MGAT5B: variants seen among roughly 807,000 people sequenced by gnomAD.
MGAT5B encodes N-acetylglucosaminyl-transferase Vb.
A neutral mutation model predicts 95.1 loss-of-function variants in MGAT5B; 54 were observed. The ratio of observed to expected loss-of-function variants is 0.57; its 90% CI spans 0.46 to 0.71. The LOEUF is 0.71. Among genes scored for constraint, MGAT5B ranks in the 30% least tolerant of loss-of-function variants. MGAT5B has a pLI of 0.00. For synonymous variants in MGAT5B, 464 were observed against 451.0 expected, an observed-to-expected ratio of 1.03 and a Z score of -0.36; for missense variants, 935 against 1,088.6, an observed-to-expected ratio of 0.86 and a Z score of 1.99.
At chr17:76,943,230 T>C (rs928950391) in intron 15 of MGAT5B, among the ~76,000 whole-genome samples, 1 of 152,170 alleles carries the variant, frequency 6.6e-6, no homozygotes, top group African/African-American at 2.4e-5. Flanking sequence ...CTGTTTAATT[T>C]TGTTAATTAG....
chr17:76,914,336 G>A lies in MGAT5B; in HGVS notation c.1025+8149G>A, dbSNP rs369633005. The stretch of plus-strand genomic sequence containing the variant: ...CCTCCAAGGAGCTTGGCCAGGAGCC[G>A]GGAGGAGAAAGAGCGCAGGAGCAGG... On this transcript the variant is annotated intron_variant, in intron 8 of 17. Transcript: ENST00000569840. The surrounding 1 kb of genome is among the most constrained non-coding windows in gnomAD (Gnocchi z 5.1). 3.9e-5 allele frequency among the ~76,000 whole-genome samples: 6 copies of A among 152,304 alleles called. No individual in the cohort carries two copies. The highest frequency in any genetic ancestry group is 7.2e-5 in the African/African-American group (3 of 41,572).
At position 76,889,703 on chromosome 17, in the gene MGAT5B, C is replaced by G. The variant is rs1237699261; in HGVS notation, c.329+7405C>G. On this transcript the variant is annotated intron_variant, in intron 3 of 17. Coordinates refer to ENST00000569840, the MANE Select transcript of MGAT5B (RefSeq NM_001199172.2). This position sits in a 1 kb window ranked among gnomAD's most constrained non-coding sequence, Gnocchi z 4.4. ...AGCAAATAATAATAACAGCCACCCTCTATTGGGCACCAAGCTCACTAGAGC... is the reference window on the plus strand; with the variant it reads ...AGCAAATAATAATAACAGCCACCCTGTATTGGGCACCAAGCTCACTAGAGC... Among the ~76,000 whole-genome samples, 1 of 152,190 alleles carries G rather than the reference C, an allele frequency of 6.6e-6. No homozygotes were observed. Among genetic ancestry groups the G allele is most frequent in the Non-Finnish European group, 1.5e-5 (1 of 68,028 alleles).
intron 10 of MGAT5B, among the ~76,000 whole-genome samples, chr17:76,927,814 G>A (rs537325345): frequency 2.0e-5 from 3 of 152,220 alleles, no homozygotes; most frequent in Admixed American, 6.5e-5. Flanking sequence ...AGCATCTTGC[G>A]TGTGGCTCTT....
intron 8 of MGAT5B, among the ~76,000 whole-genome samples, chr17:76,908,559 G>A (rs1202573798): frequency 6.6e-6 from 1 of 151,756 alleles, no homozygotes; most frequent in Admixed American, 6.6e-5. Context: ...GAGCCACCGT[G>A]CTTGGCTTTA....
intron 15 of MGAT5B, among the ~76,000 whole-genome samples, chr17:76,943,723 G>A (rs902684240): frequency 6.6e-5 from 10 of 152,208 alleles, no homozygotes; most frequent in Middle Eastern, 3.4e-3. Context: ...TTACAGGCAT[G>A]AGCCACCATG....
At chr17:76,900,359 G>A (rs1248178364) in intron 3 of MGAT5B, among the ~76,000 whole-genome samples, 2 of 152,220 alleles carry the variant, frequency 1.3e-5, no homozygotes, top group African/African-American at 4.8e-5. Flanking sequence ...CCAAGTCCTA[G>A]CCCCAGGACC....
intron 3 of MGAT5B, among the ~76,000 whole-genome samples, chr17:76,894,818 A>G (rs147405248): frequency 2.7e-5 from 4 of 150,782 alleles, no homozygotes; most frequent in African/African-American, 9.8e-5. Context: ...GCACCAGTGC[A>G]CTCCAGCCTG....
intron 15 of MGAT5B, among the ~76,000 whole-genome samples, chr17:76,942,006 C>T (rs1969876106): frequency 6.6e-6 from 1 of 152,182 alleles, no homozygotes; most frequent in Non-Finnish European, 1.5e-5. Context: ...CACAGATGGG[C>T]TCGGCAGGCC....
Position 76,939,284 on chromosome 17 carries a change from G to A in MGAT5B, c.1585-1118G>A, listed in dbSNP as rs553619838. On this transcript the variant is annotated intron_variant, in intron 13 of 17. Transcript: ENST00000569840. ...GGAGGCCGAGGTGGGCGGATCACGA[G>A]GTTAGGATATCGAGACCATCCTGGC... Among the ~76,000 whole-genome samples, 937 of 152,106 alleles carry A rather than the reference G, an allele frequency of 6.2e-3. 10 individuals are homozygous for A. The highest frequency in any genetic ancestry group is 0.022 in the African/African-American group (896 of 41,512).
intron 1 of MGAT5B, among the ~76,000 whole-genome samples, chr17:76,871,991 G>A (rs1967027912): frequency 6.6e-6 from 1 of 152,228 alleles, no homozygotes; most frequent in African/African-American, 2.4e-5. Context: ...TTACCCCAGA[G>A]CCTGGCTCCT....
Position 76,906,090 on chromosome 17 carries a change from C to T in MGAT5B, c.928C>T (p.Pro310Ser), listed in dbSNP as rs1567806438. 1 of 1,607,106 alleles carries T rather than the reference C, an allele frequency of 6.2e-7. No individual in the cohort carries two copies. The highest frequency in any genetic ancestry group is 8.5e-7 in the Non-Finnish European group (1 of 1,177,430). The change falls in exon 8 of 18, where the codon CCC becomes TCC. Residue 310 changes from proline (P) to serine (S), a missense_variant. This residue lies in a region of MGAT5B where 243 missense variants were observed against 305.5 expected (regional missense o/e 0.80). Coordinates refer to ENST00000569840, the MANE Select transcript of MGAT5B (RefSeq NM_001199172.2). This position sits in a 1 kb window ranked among gnomAD's most constrained non-coding sequence, Gnocchi z 4.6. Reference sequence around the variant, plus strand: ...CAGCCCTCGGGTCCTGAAGGGCGGGCCCCTAGGGGAGATGGTGCAGTGGGC... The same window carrying T: ...CAGCCCTCGGGTCCTGAAGGGCGGGTCCCTAGGGGAGATGGTGCAGTGGGC... ...VFSPRVLKGG[P>S]LGEMVQWADI...
At position 76,902,563 on chromosome 17, in the gene MGAT5B, CT is replaced by C; in HGVS notation, c.339del (p.Ala115ProfsTer19). The C allele has an allele frequency of 6.3e-7, 1 of 1,590,394 alleles. No homozygotes were observed. Among genetic ancestry groups the C allele is most frequent in the Non-Finnish European group, 8.6e-7 (1 of 1,167,476 alleles). On this transcript the variant is annotated frameshift_variant, in exon 4 of 18. Transcript: ENST00000569840. LOFTEE classifies it high-confidence loss of function. ...DLHFPADRMPPGAGLMERIQA... is the reference protein window; with the variant it reads ...DLHFPADRMPXGAGLMERIQA... The stretch of plus-strand genomic sequence containing the variant: ...TGGCTTTTCCCACTTAGGATGCCCC[CT>C]GGGGCCGGCCTCATGGAGCGGATCC...
chr17:76,902,729 G>A (rs537380354), intron 4 of MGAT5B, 59 bp downstream of exon 4: 8 of 1,267,278 alleles, frequency 6.3e-6, no homozygotes, highest in Admixed American at 4.0e-5. Flanking sequence ...ACTGGGTGCT[G>A]GGTGGGCCCT....
At chr17:76,920,218 T>TC (rs1293713138) in intron 8 of MGAT5B, among the ~76,000 whole-genome samples, 1 of 152,000 alleles carries the variant, frequency 6.6e-6, no homozygotes, top group Non-Finnish European at 1.5e-5. Context: ...CCTGAGGTCC[T>TC]CCCCCCACCA....
At position 76,905,932 on chromosome 17, in the gene MGAT5B, G is replaced by A. The variant is rs527458128; in HGVS notation, c.856-86G>A. On this transcript the variant is annotated intron_variant, in intron 7 of 17. Transcript: ENST00000569840. This position sits in a 1 kb window ranked among gnomAD's most constrained non-coding sequence, Gnocchi z 4.2. ...CAGCCTGGAGACAGGGTCTGCTGCCGGCTGGTCTCCTGGCCGGTGCCCCGG... is the reference window on the plus strand; with the variant it reads ...CAGCCTGGAGACAGGGTCTGCTGCCAGCTGGTCTCCTGGCCGGTGCCCCGG... The A allele has an allele frequency of 2.9e-5, 42 of 1,425,790 alleles. No homozygotes were observed. The highest frequency in any genetic ancestry group is 1.2e-4 in the African/African-American group (8 of 67,816). 88.3% of individuals were successfully genotyped at this position (1,425,790 alleles called of 1,614,324 possible). A position where few individuals can be genotyped will look rare whatever the true frequency, so the allele number is the denominator to read the frequency against.
intron 8 of MGAT5B, chr17:76,923,881 G>A (rs12936618): frequency 0.24 from 36,409 of 152,140 alleles, 4,547 homozygotes; most frequent in East Asian, 0.35. Flanking sequence ...GCTCCCGGGC[G>A]TCCTCCTCTG....
chr17:76,897,701 C>CTTTT (rs1968126078), intron 3 of MGAT5B, among the ~76,000 whole-genome samples: 1 of 105,242 alleles, frequency 9.5e-6, no homozygotes, highest in Non-Finnish European at 1.8e-5. Context: ...TTCTTTCTTT[C>CTTTT]TTTCTTTCTT....
chr17:76,925,743 GA>G, intron 9 of MGAT5B, among the ~76,000 whole-genome samples: 1 of 152,316 alleles, frequency 6.6e-6, no homozygotes, highest in African/African-American at 2.4e-5. Flanking sequence ...TTCCCTGGGG[GA>G]AAAGTGCCAA....
chr17:76,887,520 T>C (rs564430572), intron 3 of MGAT5B, among the ~76,000 whole-genome samples: 3 of 61,192 alleles, frequency 4.9e-5, no homozygotes, highest in African/African-American at 1.3e-4. Context: ...CCTCCCTCCC[T>C]CCCTCCCTCC....
Sources: allele counts gnomAD v4.1 joint callset (sites outside exome capture counted in the v4.1 genomes callset), GRCh38; gene constraint gnomAD v4.1.1; regional missense constraint gnomAD v4.1.1; non-coding constraint Gnocchi (gnomAD v3.1); transcripts MANE v1.5; gene names NCBI Gene and HGNC (gene_info 2026-07-23, HGNC 2026-07-21).